Variants in CCDC73 observed in about 807,000 individuals in gnomAD.
CCDC73 encodes coiled-coil domain-containing protein 73.
A neutral mutation model predicts 116.5 loss-of-function variants in CCDC73; 95 were observed. The ratio of observed to expected loss-of-function variants is 0.82; its 90% CI spans 0.69 to 0.97. The LOEUF (loss-of-function observed/expected upper bound fraction) is 0.97, where lower values mean the gene tolerates loss of function less well. Among genes scored for constraint, CCDC73 ranks in the 50% least tolerant of loss-of-function variants. The pLI, the probability that CCDC73 is intolerant of heterozygous loss-of-function variation, is 0.00. For synonymous variants in CCDC73, 398 were observed against 401.3 expected (o/e 0.99, Z 0.10); for missense variants, 1,066 against 1,206.8 (o/e 0.88, Z 1.73).
chr11:32,734,599 A>T (rs1850111755), intron 2 of CCDC73, among the ~76,000 whole-genome samples: 1 of 152,044 alleles, frequency 6.6e-6, no homozygotes, highest in South Asian at 2.1e-4. Context: ...GTCCCTGGGT[A>T]CTTGAGATTA....
intron 1 of CCDC73, among the ~76,000 whole-genome samples, chr11:32,771,706 G>A (rs1478178965): frequency 6.6e-6 from 1 of 152,196 alleles, no homozygotes; most frequent in Non-Finnish European, 1.5e-5. Flanking sequence ...GTCTTGGGAC[G>A]AAGGTGAACA....
chr11:32,786,876 T>G (rs1350389635), intron 1 of CCDC73, among the ~76,000 whole-genome samples: 1 of 152,156 alleles, frequency 6.6e-6, no homozygotes, highest in African/African-American at 2.4e-5. Flanking sequence ...TCTCTTGTCT[T>G]CTCATCATGC....
chr11:32,674,276 C>G (rs1017586321), intron 9 of CCDC73, among the ~76,000 whole-genome samples: 1 of 152,116 alleles, frequency 6.6e-6, no homozygotes, highest in Non-Finnish European at 1.5e-5. Context: ...GTACTTAATT[C>G]TCTCAGAGGT....
At position 32,602,987 on chromosome 11, in the gene CCDC73, G is replaced by A. The variant is rs1450994878; in HGVS notation, c.3064C>T (p.Gln1022Ter). 1 of 1,611,330 alleles carries A rather than the reference G, an allele frequency of 6.2e-7. No individual in the cohort carries two copies. Among genetic ancestry groups the A allele is most frequent in the East Asian group, 2.2e-5 (1 of 44,820 alleles). ...GTCTTGATTGCCTGCAAATGGCTTT[G>A]TAGTGGAGTTGATATCAGAGGCTTT... Reference protein sequence around the residue: ...KTKPLISTPLQSHLQAIKTTK... With the variant: ...KTKPLISTPL The change falls in exon 18 of 18, where the codon CAA becomes TAA. Residue 1022 changes from glutamine to a stop codon, truncating the protein, a stop_gained. Transcript: ENST00000335185. LOFTEE classifies it low-confidence loss of function (END_TRUNC).
chr11:32,765,342 C>A (rs1363870139), intron 1 of CCDC73, among the ~76,000 whole-genome samples: 2 of 152,152 alleles, frequency 1.3e-5, no homozygotes, highest in Non-Finnish European at 2.9e-5. Flanking sequence ...ACACTTATTC[C>A]AAAATTGACC....
chr11:32,775,328 A>G (rs75913851), intron 1 of CCDC73, among the ~76,000 whole-genome samples: 1,559 of 152,238 alleles, frequency 0.01, 10 homozygotes, highest in Non-Finnish European at 0.014. Context: ...CTATATCCAT[A>G]TCTTTATACA....
At chr11:32,808,586 C>A in the CCDC73 span, among the ~76,000 whole-genome samples, 1 of 151,578 alleles carries the variant, frequency 6.6e-6, no homozygotes, top group African/African-American at 2.4e-5. Flanking sequence ...TTGCAGTGAG[C>A]TGAGATTGTG....
At chr11:32,737,526 G>A (rs560990072) in intron 2 of CCDC73, among the ~76,000 whole-genome samples, 1 of 151,530 alleles carries the variant, frequency 6.6e-6, no homozygotes, top group East Asian at 1.9e-4. Flanking sequence ...GCTGAGGCAC[G>A]AGAATCACTT....
chr11:32,814,533 CAA>C, the CCDC73 span, among the ~76,000 whole-genome samples: 37 of 152,220 alleles, frequency 2.4e-4, no homozygotes, highest in African/African-American at 8.2e-4. Flanking sequence ...TAGACAATAA[CAA>C]GTGTTGGCAA....
chr11:32,673,302 G>A (rs772528172), intron 9 of CCDC73, among the ~76,000 whole-genome samples: 3 of 152,090 alleles, frequency 2.0e-5, no homozygotes, highest in Non-Finnish European at 4.4e-5. Context: ...GAGAGGTTGT[G>A]CATGTGTGAG....
chr11:32,752,138 G>T (rs1224170574), intron 2 of CCDC73, among the ~76,000 whole-genome samples: 1 of 152,136 alleles, frequency 6.6e-6, no homozygotes, highest in African/African-American at 2.4e-5. Context: ...AAAAGCCCCA[G>T]TGTGAGAGTA....
intron 3 of CCDC73, among the ~76,000 whole-genome samples, chr11:32,708,832 A>G (rs930199638): frequency 1.3e-5 from 2 of 152,186 alleles, no homozygotes; most frequent in African/African-American, 4.8e-5. Flanking sequence ...AGGGTTTTCT[A>G]GATATATGAT....
At chr11:32,744,924 AGTTAT>A (rs1850221278) in intron 2 of CCDC73, among the ~76,000 whole-genome samples, 1 of 151,728 alleles carries the variant, frequency 6.6e-6, no homozygotes, top group Admixed American at 6.6e-5. Flanking sequence ...CTCTGATCTT[AGTTAT>A]TTCTTGTCTT....
intron 9 of CCDC73, among the ~76,000 whole-genome samples, chr11:32,673,982 A>G (rs1411729115): frequency 6.6e-6 from 1 of 152,134 alleles, no homozygotes; most frequent in African/African-American, 2.4e-5. Flanking sequence ...AAGTTATCTC[A>G]GAGGGAAGGA....
intron 17 of CCDC73, 172 bp from the exon 18 acceptor site, chr11:32,603,192 A>G (rs892408916): frequency 1.9e-6 from 1 of 525,728 alleles, no homozygotes; most frequent in Non-Finnish European, 3.3e-6. Flanking sequence ...GTGTAGGCTT[A>G]TGTAGTAGAT....
rs763082271 is a variant in CCDC73, at chr11:32,614,800, C to T, written c.1518G>A (p.Thr506=). The change falls in exon 16 of 18, where the codon ACG becomes ACA. Residue 506 remains threonine (T), a synonymous_variant. Coordinates refer to ENST00000335185, the MANE Select transcript of CCDC73 (RefSeq NM_001008391.4). ...CTGTAGTAACTGATTTTCTGTTGTC[C>T]GTAACATTCGAGGTTTGTCCTTGAC... The part of the protein sequence containing the change: ...VISQGQTSNV[T]DNRKSVTTEI... 2.0e-5 allele frequency: 32 copies of T among 1,612,992 alleles called. No homozygotes were observed. The highest frequency in any genetic ancestry group is 2.3e-5 in the Non-Finnish European group (27 of 1,179,610).
At position 32,675,633 on chromosome 11, in the gene CCDC73, T is replaced by C. The variant is rs771005279; in HGVS notation, c.577A>G (p.Ile193Val). The change falls in exon 9 of 18, where the codon ATA becomes GTA. Residue 193 changes from isoleucine (I) to valine (V), a missense_variant. Ile to Val is a conservative substitution (Grantham distance 29, BLOSUM62 3). Transcript: ENST00000335185. Reference sequence around the variant, plus strand: ...GCTGAAAGTCTTTTGTTTGATTGTATTGCTTCCCGTACTGCAACATGAAAG... The same window carrying C: ...GCTGAAAGTCTTTTGTTTGATTGTACTGCTTCCCGTACTGCAACATGAAAG... ...EKLEQNVREAIQSNKRLSALN... is the reference protein window; with the variant it reads ...EKLEQNVREAVQSNKRLSALN... The C allele has an allele frequency of 1.3e-5, 21 of 1,590,334 alleles. No individual in the cohort carries two copies. Among genetic ancestry groups the C allele is most frequent in the East Asian group, 4.5e-5 (2 of 44,430 alleles).
At position 32,614,807 on chromosome 11, in the gene CCDC73, T is replaced by G. The variant is rs1855459813; in HGVS notation, c.1511A>C (p.Asn504Thr). 1 of 1,613,348 alleles carries G rather than the reference T, an allele frequency of 6.2e-7. No homozygotes were observed. The highest frequency in any genetic ancestry group is 1.7e-5 in the Admixed American group (1 of 59,982). ...AACTGATTTTCTGTTGTCCGTAACA[T>G]TCGAGGTTTGTCCTTGACTAATTAC... is the stretch of plus-strand genomic sequence containing the variant. ...KEVISQGQTS[N>T]VTDNRKSVTT... The change falls in exon 16 of 18, where the codon AAT becomes ACT. Residue 504 changes from asparagine (N) to threonine (T), a missense_variant. By Grantham distance (65) the Asn-to-Thr change is moderately conservative. Coordinates refer to ENST00000335185, the MANE Select transcript of CCDC73 (RefSeq NM_001008391.4).
intron 1 of CCDC73, among the ~76,000 whole-genome samples, chr11:32,766,641 T>C (rs906881668): frequency 6.6e-6 from 1 of 152,286 alleles, no homozygotes; most frequent in East Asian, 1.9e-4. Flanking sequence ...ACAAAATCAA[T>C]GTGCAAAAAT....
Sources: gnomAD v4.1 joint callset for allele counts (sites outside exome capture counted in the v4.1 genomes callset) on GRCh38, gnomAD v4.1.1 for gene constraint, MANE v1.5 for transcripts, NCBI Gene and HGNC (gene_info 2026-07-23, HGNC 2026-07-21) for gene names.